The following AGTPBP1 variants were observed in gnomAD, a reference collection of about 807,000 sequenced individuals.
The protein encoded by AGTPBP1 is ATP/GTP binding carboxypeptidase 1, also known as cytosolic carboxypeptidase 1.
A neutral mutation model predicts 143.9 loss-of-function variants in AGTPBP1; 70 were observed. That is an observed-to-expected ratio of 0.49 (90% confidence interval 0.40 to 0.59). The LOEUF (loss-of-function observed/expected upper bound fraction) is 0.59. AGTPBP1 is among the 20% of genes least tolerant of loss of function. AGTPBP1 has a pLI of 0.00. For missense variants in AGTPBP1, 1,229 were observed against 1,464.5 expected (o/e 0.84, Z 2.62); for synonymous variants, 463 against 500.2 (o/e 0.93, Z 0.99).
Position 85,578,444 on chromosome 9 carries a change from C to G in AGTPBP1, c.3342+476G>C, listed in dbSNP as rs536400029. On this transcript the variant is annotated intron_variant, in intron 24 of 25. Coordinates refer to ENST00000357081, the MANE Select transcript of AGTPBP1 (RefSeq NM_001330701.2). Reference sequence around the variant, plus strand: ...TGGGCAATATGGTGAGACCCTGTCTCTATTTTTATTTTTCAAAATATAAAC... The same window carrying G: ...TGGGCAATATGGTGAGACCCTGTCTGTATTTTTATTTTTCAAAATATAAAC... Among the ~76,000 whole-genome samples the G allele has an allele frequency of 5.3e-5, 8 of 152,204 alleles. No homozygotes were observed. In the South Asian group the frequency reaches 1.7e-3, roughly 32 times the overall value.
chr9:85,552,373 A>T (rs1465012441), intron 25 of AGTPBP1, among the ~76,000 whole-genome samples: 1 of 152,170 alleles, frequency 6.6e-6, no homozygotes, highest in African/African-American at 2.4e-5. Context: ...AACCTAAAAA[A>T]TTCACCATTC....
intron 20 of AGTPBP1, among the ~76,000 whole-genome samples, chr9:85,589,319 G>T (rs7848390): frequency 0.019 from 2,888 of 152,168 alleles, 99 homozygotes; most frequent in African/African-American, 0.066. Flanking sequence ...AGAGACCTCA[G>T]AGAACATCTC....
intron 25 of AGTPBP1, among the ~76,000 whole-genome samples, chr9:85,548,806 C>G (rs34230931): frequency 0.18 from 27,698 of 151,718 alleles, 3,273 homozygotes; most frequent in East Asian, 0.49. Flanking sequence ...TCCTGACTAG[C>G]TGGGACTACA....
chr9:85,589,809 C>G, intron 19 of AGTPBP1, 128 bp from the exon 20 acceptor site: 1 of 906,896 alleles, frequency 1.1e-6, no homozygotes, highest in Non-Finnish European at 1.6e-6. Flanking sequence ...CCAAAACCCT[C>G]AGGGCCAGAT....
chr9:85,632,063 C>T (rs1264470345), intron 14 of AGTPBP1, among the ~76,000 whole-genome samples: 1 of 151,280 alleles, frequency 6.6e-6, no homozygotes, highest in Admixed American at 6.6e-5. Context: ...TTTATTTTTT[C>T]AATTTTTACT....
the AGTPBP1 span, chr9:85,764,764 C>G: frequency 2.4e-3 from 3,149 of 1,313,842 alleles, 51 homozygotes; most frequent in African/African-American, 0.036. Context: ...TGGAACAAGA[C>G]TTCTCTGAAA....
intron 25 of AGTPBP1, among the ~76,000 whole-genome samples, chr9:85,569,039 A>C (rs984622479): frequency 5.9e-5 from 9 of 152,220 alleles, no homozygotes; most frequent in African/African-American, 1.9e-4. Context: ...CACAGAAAGC[A>C]GGTAAATTGA....
At position 85,586,043 on chromosome 9, in the gene AGTPBP1, T is replaced by C. The variant is rs552532422; in HGVS notation, c.3034-449A>G. Among the ~76,000 whole-genome samples the C allele has an allele frequency of 1.1e-3, 163 of 152,094 alleles. 1 individual carries two copies. The South Asian group carries it at 0.033, about 31-fold the overall frequency. On this transcript the variant is annotated intron_variant, in intron 22 of 25. Coordinates refer to ENST00000357081, the MANE Select transcript of AGTPBP1 (RefSeq NM_001330701.2). ...GCCTGACCAACATGGTAAAACCCCG[T>C]CTCTACCAAAAATACAAAAATTAGC...
chr9:85,589,404 G>T lies in AGTPBP1; in HGVS notation c.2722+124C>A, dbSNP rs1828814595. 8.7e-6 allele frequency: 11 copies of T among 1,263,300 alleles called. 1 individual carries two copies. The South Asian group carries it at 1.9e-4, about 21-fold the overall frequency. 78.3% of individuals were successfully genotyped at this position (1,263,300 alleles called of 1,614,324 possible). ...TCATGGCTAGCTAGATAATAGCAGG[G>T]CCAAGACTAGAGCCCAAGTCTTCTG... On this transcript the variant is annotated intron_variant, in intron 20 of 25. Transcript: ENST00000357081.
intron 14 of AGTPBP1, among the ~76,000 whole-genome samples, chr9:85,625,916 T>G (rs199984945): frequency 6.7e-6 from 1 of 149,076 alleles, no homozygotes; most frequent in Non-Finnish European, 1.5e-5. Flanking sequence ...TTTTTTTTTT[T>G]TTTTTTTTAG....
At chr9:85,653,931 A>G (rs900423710) in intron 11 of AGTPBP1, among the ~76,000 whole-genome samples, 1 of 152,220 alleles carries the variant, frequency 6.6e-6, no homozygotes, top group Non-Finnish European at 1.5e-5. Context: ...CATAAGTCCT[A>G]GACTTAGTCT....
At chr9:85,786,453 G>T in the AGTPBP1 span, 3 of 1,613,680 alleles carry the variant, frequency 1.9e-6, no homozygotes, top group Non-Finnish European at 2.5e-6. Context: ...AAACTGTGTC[G>T]AAAAGAATTA....
chr9:85,715,220 C>G (rs1264244057), intron 1 of AGTPBP1, among the ~76,000 whole-genome samples: 1 of 148,714 alleles, frequency 6.7e-6, no homozygotes, highest in Non-Finnish European at 1.5e-5. Context: ...CACTCCAGCC[C>G]GGGTGACAGA....
At chr9:85,654,150 CATATAA>C (rs1833343419) in intron 11 of AGTPBP1, among the ~76,000 whole-genome samples, 1 of 151,850 alleles carries the variant, frequency 6.6e-6, no homozygotes, top group African/African-American at 2.4e-5. Flanking sequence ...AAGAATTTTA[CATATAA>C]ATAAAGAATC....
the AGTPBP1 span, among the ~76,000 whole-genome samples, chr9:85,753,079 C>T: frequency 6.6e-6 from 1 of 152,046 alleles, no homozygotes; most frequent in Non-Finnish European, 1.5e-5. Flanking sequence ...CCCCAACTGT[C>T]ATCTACTCAT....
chr9:85,757,344 C>CATG, the AGTPBP1 span, among the ~76,000 whole-genome samples: 1,307 of 152,200 alleles, frequency 8.6e-3, 20 homozygotes, highest in African/African-American at 0.03. Context: ...GAATTACAGG[C>CATG]ATGAGCCACC....
intron 14 of AGTPBP1, among the ~76,000 whole-genome samples, chr9:85,626,323 T>C (rs527910798): frequency 2.6e-5 from 4 of 152,286 alleles, no homozygotes; most frequent in African/African-American, 9.6e-5. Context: ...AACTGTACAG[T>C]AGAAATTCAA....
chr9:85,711,720 G>A (rs893739784), intron 2 of AGTPBP1, among the ~76,000 whole-genome samples: 18 of 152,148 alleles, frequency 1.2e-4, no homozygotes, highest in East Asian at 1.2e-3. Context: ...GATTACAGGC[G>A]TAAGCCACTG....
chr9:85,591,746 C>T (rs918911212), intron 19 of AGTPBP1, among the ~76,000 whole-genome samples: 1 of 152,082 alleles, frequency 6.6e-6, no homozygotes, highest in Non-Finnish European at 1.5e-5. Flanking sequence ...TTTGATATCT[C>T]TTCTGCTCTA....
Sources: allele counts gnomAD v4.1 joint callset (sites outside exome capture counted in the v4.1 genomes callset), GRCh38; gene constraint gnomAD v4.1.1; transcripts MANE v1.5; gene names NCBI Gene and HGNC (gene_info 2026-07-23, HGNC 2026-07-21).